LPIN2: variants seen among roughly 807,000 people sequenced by gnomAD.
The protein encoded by LPIN2 is phosphatidate phosphatase LPIN2.
Under a neutral mutation model 111.4 loss-of-function variants are expected in LPIN2, and 55 were observed. That is an observed-to-expected ratio of 0.49 (90% CI 0.40 to 0.62). The LOEUF (loss-of-function observed/expected upper bound fraction) is 0.62. Among genes scored for constraint, LPIN2 ranks in the 20% least tolerant of loss-of-function variants. The probability of loss-of-function intolerance (pLI) is 0.00; values close to 1 mark genes in which losing one functional copy is unlikely to be tolerated. For missense variants in LPIN2, 992 were observed against 1,112.1 expected (o/e 0.89, Z 1.54); for synonymous variants, 425 against 414.0 (o/e 1.03, Z -0.32).
intron 2 of LPIN2, among the ~76,000 whole-genome samples, chr18:2,955,688 G>C (rs1247686293): frequency 6.6e-6 from 1 of 152,122 alleles, no homozygotes; most frequent in African/African-American, 2.4e-5. Flanking sequence ...GACCAAGGTG[G>C]GCAGGTCACC....
intron 3 of LPIN2, 99 bp downstream of exon 3, chr18:2,954,405 G>T (rs2143136044): frequency 1.2e-6 from 1 of 815,390 alleles, no homozygotes; most frequent in Non-Finnish European, 2.1e-6. Context: ...ACAGTCCTCT[G>T]TACAATCAAC....
intron 4 of LPIN2, chr18:2,948,134 T>A (rs567669839): frequency 6.6e-6 from 1 of 152,360 alleles, no homozygotes; most frequent in South Asian, 2.1e-4. Context: ...CTATATTATT[T>A]AAGCAGATTC....
Position 2,922,071 on chromosome 18 carries a change from C to T in LPIN2, c.2303G>A (p.Ser768Asn). 6.2e-7 allele frequency: 1 copy of T among 1,613,692 alleles called. No homozygotes were observed. Among genetic ancestry groups the T allele is most frequent in the South Asian group, 1.1e-5 (1 of 91,074 alleles). Residue 768 changes from serine to asparagine, a missense_variant, in exon 17 of 20, where the codon AGC becomes AAC. Ser to Asn is a conservative substitution (Grantham distance 46). Coordinates refer to ENST00000677752, the MANE Select transcript of LPIN2 (RefSeq NM_001375808.2). ...LPRGPLMLSPSSLFSAFHREV... is the reference protein window; with the variant it reads ...LPRGPLMLSPNSLFSAFHREV... ...CCTGTGGAAGGCGGAGAACAAGCTGCTGGGGGACAGCATCAGGGGGCCCCG... is the reference window on the plus strand; with the variant it reads ...CCTGTGGAAGGCGGAGAACAAGCTGTTGGGGGACAGCATCAGGGGGCCCCG...
rs186926633 is a variant in LPIN2 at position 2,973,434 on chromosome 18, C to A, written c.-9-12585G>T. ...TCTCTGGAATATCATATAAATAGAACCATACAGTATGTACCTTTGGATTCT... is the reference window on the plus strand; with the variant it reads ...TCTCTGGAATATCATATAAATAGAAACATACAGTATGTACCTTTGGATTCT... On this transcript the variant is annotated intron_variant, in intron 1 of 19. Coordinates refer to ENST00000677752, the MANE Select transcript of LPIN2 (RefSeq NM_001375808.2). Among the ~76,000 whole-genome samples the A allele has an allele frequency of 2.0e-5, 3 of 152,292 alleles. No individual in the cohort carries two copies. The East Asian group carries it at 5.8e-4, about 29-fold the overall frequency.
At chr18:2,978,600 G>A (rs952242977) in intron 1 of LPIN2, among the ~76,000 whole-genome samples, 15 of 152,358 alleles carry the variant, frequency 9.8e-5, no homozygotes, top group African/African-American at 3.6e-4. Context: ...TCAAGGTAAG[G>A]TTGGGCTCTG....
chr18:2,977,803 A>G (rs2078044940), intron 1 of LPIN2, among the ~76,000 whole-genome samples: 1 of 152,234 alleles, frequency 6.6e-6, no homozygotes. Flanking sequence ...ATTAATGAAG[A>G]AAAAATGAAG....
intron 1 of LPIN2, among the ~76,000 whole-genome samples, chr18:3,012,416 G>A (rs2078619706): frequency 1.3e-5 from 2 of 152,234 alleles, no homozygotes; most frequent in African/African-American, 2.4e-5. Context: ...ATCCGCTGGC[G>A]TTAGAAGTGG....
intron 1 of LPIN2, among the ~76,000 whole-genome samples, chr18:2,961,912 C>G (rs2077719722): frequency 6.6e-6 from 1 of 152,198 alleles, no homozygotes; most frequent in Non-Finnish European, 1.5e-5. Flanking sequence ...GCTCTCCAGG[C>G]TGTCTGCCAT....
intron 1 of LPIN2, among the ~76,000 whole-genome samples, chr18:2,992,365 C>G (rs868665534): frequency 6.6e-5 from 10 of 151,952 alleles, no homozygotes; most frequent in African/African-American, 2.2e-4. Flanking sequence ...CTAGAATAGG[C>G]AAATTCATAA....
chr18:2,973,369 A>AC (rs1252032990), intron 1 of LPIN2, among the ~76,000 whole-genome samples: 6 of 152,302 alleles, frequency 3.9e-5, no homozygotes, highest in Non-Finnish European at 8.8e-5. Context: ...TTCCCCACCC[A>AC]TGCCAATCAC....
chr18:2,946,449 C>A (rs770530654), intron 4 of LPIN2: 1 of 1,436,230 alleles, frequency 7.0e-7, no homozygotes, highest in Non-Finnish European at 9.8e-7. Flanking sequence ...AAGACTGGAA[C>A]GCCTGGGTGA....
intron 7 of LPIN2, 90 bp from the exon 8 acceptor site, chr18:2,934,540 G>A (rs945133490): frequency 2.5e-6 from 2 of 807,696 alleles, no homozygotes; most frequent in South Asian, 2.8e-5. Flanking sequence ...CAGTAAGAGT[G>A]ACAAGCAGGA....
Position 2,951,317 on chromosome 18 carries a change from T to C in LPIN2, c.328A>G (p.Thr110Ala), listed in dbSNP as rs774683158. ...PAYLATSPIP[T>A]EDQFFKDIDT... Reference sequence around the variant, plus strand: ...ATATCTTTAAAGAACTGATCTTCAGTAGGAATTGGTGAGGTGGCAAGGTAA... The same window carrying C: ...ATATCTTTAAAGAACTGATCTTCAGCAGGAATTGGTGAGGTGGCAAGGTAA... The change falls in exon 4 of 20, where the codon ACT becomes GCT. Residue 110 changes from threonine to alanine, a missense_variant. By Grantham distance (58) the Thr-to-Ala change is moderately conservative (BLOSUM62 0). Coordinates refer to ENST00000677752, the MANE Select transcript of LPIN2 (RefSeq NM_001375808.2). 1.2e-6 allele frequency: 2 copies of C among 1,614,030 alleles called. No homozygotes were observed. Among genetic ancestry groups the C allele is most frequent in the South Asian group, 1.1e-5 (1 of 91,076 alleles).
intron 8 of LPIN2, among the ~76,000 whole-genome samples, chr18:2,933,659 T>C (rs1001515103): frequency 3.9e-5 from 6 of 152,284 alleles, no homozygotes; most frequent in African/African-American, 1.4e-4. Flanking sequence ...TGTGTGCCTA[T>C]GGCTCAGTAT....
At chr18:2,958,173 A>AAC (rs2077650874) in intron 2 of LPIN2, among the ~76,000 whole-genome samples, 1 of 126,304 alleles carries the variant, frequency 7.9e-6, no homozygotes, top group African/African-American at 2.9e-5. Context: ...AAAAAAAAAA[A>AAC]CAGAAAAAAG....
chr18:2,930,673 G>A (rs1463759838), intron 9 of LPIN2, among the ~76,000 whole-genome samples: 1 of 152,214 alleles, frequency 6.6e-6, no homozygotes, highest in Non-Finnish European at 1.5e-5. Context: ...CTGATGAATT[G>A]AGGACGGATG....
intron 1 of LPIN2, among the ~76,000 whole-genome samples, chr18:2,986,547 T>TAA (rs1555606339): frequency 2.1e-4 from 29 of 135,002 alleles, no homozygotes; most frequent in South Asian, 6.9e-4. Context: ...TTTTTTAATG[T>TAA]AAAAAAAAAA....
At chr18:2,965,221 A>T (rs2143242889) in intron 1 of LPIN2, among the ~76,000 whole-genome samples, 1 of 152,340 alleles carries the variant, frequency 6.6e-6, no homozygotes, top group Admixed American at 6.5e-5. Flanking sequence ...TATAAAATTC[A>T]ATACGCCAAA....
chr18:2,934,578 G>GT, intron 7 of LPIN2, 128 bp from the exon 8 acceptor site: 4 of 691,912 alleles, frequency 5.8e-6, no homozygotes, highest in Non-Finnish European at 1.0e-5. Flanking sequence ...TTTTAAAGGT[G>GT]TCAACCAGCC....
Sources: gnomAD v4.1 joint callset for allele counts (sites outside exome capture counted in the v4.1 genomes callset) on GRCh38, gnomAD v4.1.1 for gene constraint, MANE v1.5 for transcripts, NCBI Gene and HGNC (gene_info 2026-07-23, HGNC 2026-07-21) for gene names.